TEAD4: variants seen among roughly 807,000 people sequenced by gnomAD.
TEAD4 encodes TEA domain transcription factor 4, also known as transcriptional enhancer factor TEF-3.
In TEAD4, 36 loss-of-function variants were observed where a neutral mutation model predicts 52.4. That is an observed-to-expected ratio of 0.69 (90% CI 0.53 to 0.91). The LOEUF is 0.91. Among genes scored for constraint, TEAD4 ranks in the 40% least tolerant of loss-of-function variants. The pLI is 0.00. For synonymous variants in TEAD4, 220 were observed against 231.0 expected, an observed-to-expected ratio of 0.95 and a Z score of 0.43; for missense variants, 508 against 583.9, an observed-to-expected ratio of 0.87 and a Z score of 1.34.
chr12:2,960,362 A>C (rs2098214295), intron 2 of TEAD4: 2 of 985,586 alleles, frequency 2.0e-6, no homozygotes, highest in South Asian at 4.7e-5. Flanking sequence ...AGGTAAGCGG[A>C]CTGCCTGTTT....
intron 10 of TEAD4, among the ~76,000 whole-genome samples, chr12:3,022,452 G>A (rs2098269389): frequency 6.6e-6 from 1 of 152,208 alleles, no homozygotes; most frequent in South Asian, 2.1e-4. Flanking sequence ...AGGCATGTTG[G>A]GCTGAACAGA....
Position 2,961,904 on chromosome 12 carries a change from C to T in TEAD4, c.-30+1864C>T, listed in dbSNP as rs140067693. Among the ~76,000 whole-genome samples, 214 of 152,184 alleles carry T rather than the reference C, an allele frequency of 1.4e-3. 2 individuals carry two copies. Among genetic ancestry groups the T allele is most frequent in the African/African-American group, 4.9e-3 (205 of 41,530 alleles). On this transcript the variant is annotated intron_variant, in intron 2 of 12. Coordinates refer to ENST00000359864, the MANE Select transcript of TEAD4 (RefSeq NM_003213.4). ...AGCATTTACTGTGAGCCAGGCCCTA[C>T]GCTGTGTTCCGCGTCCTTAGGAATC...
chr12:2,978,871 T>C (rs1022142292), intron 2 of TEAD4, among the ~76,000 whole-genome samples: 4 of 152,200 alleles, frequency 2.6e-5, no homozygotes, highest in Non-Finnish European at 2.9e-5. Flanking sequence ...TGCAATGTCC[T>C]TAAGGTTCAT....
chr12:3,005,429 G>A (rs1254267764), intron 3 of TEAD4, among the ~76,000 whole-genome samples: 1 of 152,096 alleles, frequency 6.6e-6, no homozygotes, highest in Non-Finnish European at 1.5e-5. Flanking sequence ...GAGTAGTTGG[G>A]ACTACAGGCA....
intron 3 of TEAD4, among the ~76,000 whole-genome samples, chr12:2,999,325 A>G (rs973740658): frequency 6.6e-5 from 10 of 151,948 alleles, no homozygotes. Flanking sequence ...AAAGGCCACC[A>G]GCCCCTTTCC....
chr12:3,006,636 A>T (rs1009894029), intron 3 of TEAD4, among the ~76,000 whole-genome samples: 5 of 152,042 alleles, frequency 3.3e-5, no homozygotes, highest in African/African-American at 9.7e-5. Flanking sequence ...GTGAGCCAAG[A>T]TCGCGCCATT....
intron 10 of TEAD4, among the ~76,000 whole-genome samples, chr12:3,028,960 TA>T (rs1283738482): frequency 6.6e-6 from 1 of 152,158 alleles, no homozygotes; most frequent in Non-Finnish European, 1.5e-5. Context: ...TAAATTGGGT[TA>T]TTTTTTATTA....
At chr12:2,996,517 C>T (rs371933258) in intron 3 of TEAD4, among the ~76,000 whole-genome samples, 191 of 151,582 alleles carry the variant, frequency 1.3e-3, no homozygotes, top group African/African-American at 4.3e-3. Context: ...TCAAGCGATT[C>T]TCCCACCTCA....
chr12:2,998,722 G>A (rs1220940849), intron 3 of TEAD4, among the ~76,000 whole-genome samples: 1 of 152,148 alleles, frequency 6.6e-6, no homozygotes, highest in African/African-American at 2.4e-5. Flanking sequence ...GAAGCCAAGA[G>A]TTTCTCCCAG....
At chr12:3,029,581 A>G (rs1010854020) in intron 10 of TEAD4, among the ~76,000 whole-genome samples, 7 of 151,390 alleles carry the variant, frequency 4.6e-5, no homozygotes, top group East Asian at 3.9e-4. Flanking sequence ...GGGTGTCACT[A>G]TGTTGCCCAG....
At chr12:2,999,423 G>C (rs572261745) in intron 3 of TEAD4, among the ~76,000 whole-genome samples, 9 of 152,350 alleles carry the variant, frequency 5.9e-5, no homozygotes, top group African/African-American at 1.9e-4. Context: ...GAGGACAGGG[G>C]TTAGGCCTGC....
At chr12:2,971,636 T>C (rs1340890966) in intron 2 of TEAD4, among the ~76,000 whole-genome samples, 1 of 148,190 alleles carries the variant, frequency 6.7e-6, no homozygotes, top group East Asian at 2.0e-4. Flanking sequence ...CCACCACACC[T>C]GGCTAATTTT....
chr12:2,967,326 A>G (rs1218805142), intron 2 of TEAD4, among the ~76,000 whole-genome samples: 1 of 152,092 alleles, frequency 6.6e-6, no homozygotes, highest in Non-Finnish European at 1.5e-5. Context: ...TCCCTACTGA[A>G]TGCTATCTAA....
chr12:2,987,579 T>C (rs891809586), intron 2 of TEAD4, among the ~76,000 whole-genome samples: 11 of 151,480 alleles, frequency 7.3e-5, no homozygotes, highest in African/African-American at 1.7e-4. Context: ...GGACTACAGG[T>C]GCCCGCCACT....
chr12:2,960,282 A>G (rs1161568777), intron 2 of TEAD4: 12 of 985,434 alleles, frequency 1.2e-5, no homozygotes, highest in African/African-American at 1.7e-5. Flanking sequence ...AGCATCGGCA[A>G]CAGAAGAGAC....
intron 2 of TEAD4, among the ~76,000 whole-genome samples, chr12:2,993,864 C>T (rs2098245086): frequency 1.3e-5 from 2 of 152,162 alleles, no homozygotes; most frequent in South Asian, 2.1e-4. Flanking sequence ...AGCATAATGT[C>T]CTAAAGGTCC....
At chr12:2,973,368 C>T (rs1244454155) in intron 2 of TEAD4, among the ~76,000 whole-genome samples, 1 of 152,188 alleles carries the variant, frequency 6.6e-6, no homozygotes, top group Non-Finnish European at 1.5e-5. Context: ...AGCTGTTGTT[C>T]TGAGAGTTCT....
intron 2 of TEAD4, among the ~76,000 whole-genome samples, chr12:2,992,651 T>G (rs546286179): frequency 6.6e-6 from 1 of 152,200 alleles, no homozygotes; most frequent in Admixed American, 6.5e-5. Flanking sequence ...GCTGCTGGAC[T>G]GCATTGCTCC....
chr12:3,002,915 G>A (rs1380260194), intron 3 of TEAD4, among the ~76,000 whole-genome samples: 1 of 152,212 alleles, frequency 6.6e-6, no homozygotes, highest in Non-Finnish European at 1.5e-5. Flanking sequence ...CAGCTCAAAT[G>A]TCAGGCCCAA....
Sources: allele counts gnomAD v4.1 joint callset (sites outside exome capture counted in the v4.1 genomes callset), GRCh38; gene constraint gnomAD v4.1.1; transcripts MANE v1.5; gene names NCBI Gene and HGNC (gene_info 2026-07-23, HGNC 2026-07-21).